The following TSPAN9 variants were observed in gnomAD, a reference collection of about 807,000 sequenced individuals.
TSPAN9 encodes tetraspanin-9.
A neutral mutation model predicts 31.0 loss-of-function variants in TSPAN9; 16 were observed. That is an observed-to-expected ratio of 0.52 (90% CI 0.35 to 0.78). The LOEUF (loss-of-function observed/expected upper bound fraction) is 0.78. TSPAN9 is among the 30% of genes least tolerant of loss of function. The pLI is 0.01. For synonymous variants in TSPAN9, 145 were observed against 121.6 expected, an observed-to-expected ratio of 1.19 and a Z score of -1.27; for missense variants, 272 against 312.5, an observed-to-expected ratio of 0.87 and a Z score of 0.98.
intron 2 of TSPAN9, among the ~76,000 whole-genome samples, chr12:3,165,444 A>G (rs1481014913): frequency 1.3e-5 from 2 of 152,168 alleles, no homozygotes; most frequent in Admixed American, 6.5e-5. Flanking sequence ...GGACTTGGAG[A>G]TGACCGCCAG....
intron 2 of TSPAN9, among the ~76,000 whole-genome samples, chr12:3,178,276 A>C (rs2098356975): frequency 6.6e-6 from 1 of 151,074 alleles, no homozygotes; most frequent in African/African-American, 2.5e-5. Context: ...CATGGAGATG[A>C]AGGGGTTTCT....
intron 3 of TSPAN9, among the ~76,000 whole-genome samples, chr12:3,266,418 A>G (rs1180824089): frequency 6.6e-6 from 1 of 152,228 alleles, no homozygotes; most frequent in Non-Finnish European, 1.5e-5. Flanking sequence ...GCACTCGTCC[A>G]CAGCCACAGA....
At chr12:3,282,961 C>T in intron 8 of TSPAN9, 84 bp from the exon 9 acceptor site, 1 of 1,423,538 alleles carries the variant, frequency 7.0e-7, no homozygotes, top group Admixed American at 1.7e-5. Context: ...TCTAGGTGCC[C>T]TGTGACATCC....
At chr12:3,190,290 G>T (rs1378612460) in intron 2 of TSPAN9, among the ~76,000 whole-genome samples, 1 of 152,228 alleles carries the variant, frequency 6.6e-6, no homozygotes, top group Non-Finnish European at 1.5e-5. Flanking sequence ...GATTTGCTGG[G>T]TCAGTCCATT....
At chr12:3,119,877 C>T (rs573992172) in intron 2 of TSPAN9, among the ~76,000 whole-genome samples, 17 of 152,160 alleles carry the variant, frequency 1.1e-4, no homozygotes, top group Non-Finnish European at 2.2e-4. Flanking sequence ...CCCTGTCACT[C>T]AAAGGGCACG....
At chr12:3,215,521 G>T (rs2098380939) in intron 3 of TSPAN9, among the ~76,000 whole-genome samples, 1 of 152,198 alleles carries the variant, frequency 6.6e-6, no homozygotes, top group Admixed American at 6.5e-5. Context: ...ACTTCCTGTT[G>T]TTCTCTGTAT....
At chr12:3,190,199 C>T (rs1397700634) in intron 2 of TSPAN9, among the ~76,000 whole-genome samples, 2 of 152,188 alleles carry the variant, frequency 1.3e-5, no homozygotes, top group Non-Finnish European at 2.9e-5. Context: ...CCCAGCTGCA[C>T]AGTCAGGCTG....
At chr12:3,114,754 A>G (rs185541337) in intron 2 of TSPAN9, among the ~76,000 whole-genome samples, 141 of 151,638 alleles carry the variant, frequency 9.3e-4, no homozygotes, top group African/African-American at 3.0e-3. Context: ...GAGGCAGGAG[A>G]ATCGCTTGAA....
intron 2 of TSPAN9, among the ~76,000 whole-genome samples, chr12:3,103,475 T>C (rs759882686): frequency 3.3e-5 from 5 of 152,198 alleles, no homozygotes; most frequent in Admixed American, 6.5e-5. Context: ...GACTCAGTGG[T>C]GAATCGGACT....
rs35716107 is a variant in TSPAN9 at position 3,080,509 on chromosome 12, A to AT, written c.-85+3064dup. The stretch of plus-strand genomic sequence containing the variant: ...GCCATCACCCTCGGCTAAATTTTGT[A>AT]TTTTTTTTAGTAGAGACGGGGTTTC... On this transcript the variant is annotated intron_variant, in intron 1 of 8. Coordinates refer to ENST00000011898, the MANE Select transcript of TSPAN9 (RefSeq NM_006675.5). 3.0e-3 allele frequency among the ~76,000 whole-genome samples: 449 copies of AT among 151,226 alleles called. 1 individual carries two copies. Among genetic ancestry groups the AT allele is most frequent in the South Asian group, 0.014 (68 of 4,750 alleles).
At chr12:3,156,405 G>GGGTGC (rs1179966832) in intron 2 of TSPAN9, among the ~76,000 whole-genome samples, 1 of 152,216 alleles carries the variant, frequency 6.6e-6, no homozygotes, top group Admixed American at 6.5e-5. Context: ...CCAGGAGATA[G>GGGTGC]GGTGCTGATA....
chr12:3,163,559 A>G (rs192947079), intron 2 of TSPAN9, among the ~76,000 whole-genome samples: 1 of 152,322 alleles, frequency 6.6e-6, no homozygotes, highest in Admixed American at 6.5e-5. Flanking sequence ...CACCTGGGTC[A>G]CACATCGTTG....
At chr12:3,098,407 C>G (rs188815771) in intron 2 of TSPAN9, among the ~76,000 whole-genome samples, 1 of 152,320 alleles carries the variant, frequency 6.6e-6, no homozygotes, top group Admixed American at 6.5e-5. Flanking sequence ...TCCCAGACCT[C>G]GCTTCTGTTC....
intron 3 of TSPAN9, among the ~76,000 whole-genome samples, chr12:3,217,756 C>T (rs1018181267): frequency 2.0e-5 from 3 of 152,078 alleles, no homozygotes; most frequent in Non-Finnish European, 4.4e-5. Context: ...CCCTTCCCTG[C>T]TTCCAGGCCT....
intron 2 of TSPAN9, among the ~76,000 whole-genome samples, chr12:3,111,160 C>T (rs536222540): frequency 6.6e-5 from 10 of 152,298 alleles, no homozygotes. Flanking sequence ...AACTGCTGTA[C>T]CTTCACTTTT....
chr12:3,223,711 T>C (rs1301898232), intron 3 of TSPAN9, among the ~76,000 whole-genome samples: 1 of 152,222 alleles, frequency 6.6e-6, no homozygotes, highest in East Asian at 1.9e-4. Flanking sequence ...ATGGAGCTGG[T>C]TCAAGTATTG....
At chr12:3,096,523 A>T (rs1591626058) in intron 2 of TSPAN9, among the ~76,000 whole-genome samples, 1 of 149,676 alleles carries the variant, frequency 6.7e-6, no homozygotes, top group East Asian at 2.0e-4. Flanking sequence ...TGGACACAGA[A>T]ATATTTTTTG....
At position 3,081,842 on chromosome 12, in the gene TSPAN9, G is replaced by GTATATATATA. The variant is rs1226231378; in HGVS notation, c.-84-1810_-84-1809insATATATATAT. Among the ~76,000 whole-genome samples, 135 of 56,360 alleles carry GTATATATATA rather than the reference G, an allele frequency of 2.4e-3. 2 individuals carry two copies. The highest frequency in any genetic ancestry group is 7.3e-3 in the East Asian group (10 of 1,372). 37.0% of individuals were successfully genotyped at this position (56,360 alleles called of 152,430 possible). On this transcript the variant is annotated intron_variant, in intron 1 of 8. Transcript: ENST00000011898. ...TGTGTGTGTGTGTGTGTGTCTGTGT[G>GTATATATATA]TGTATATATATGCCAGGTGTGGTGG...
intron 2 of TSPAN9, among the ~76,000 whole-genome samples, chr12:3,121,256 A>C (rs1249524363): frequency 6.6e-6 from 1 of 152,040 alleles, no homozygotes; most frequent in Non-Finnish European, 1.5e-5. Context: ...CTGAGGTTGC[A>C]ATCCAGTGGC....
Sources: allele counts gnomAD v4.1 joint callset (sites outside exome capture counted in the v4.1 genomes callset), GRCh38; gene constraint gnomAD v4.1.1; transcripts MANE v1.5; gene names NCBI Gene and HGNC (gene_info 2026-07-23, HGNC 2026-07-21).